FRY: variants seen among roughly 807,000 people sequenced by gnomAD.
The protein encoded by FRY is FRY microtubule binding protein.
FRY carries 128 observed loss-of-function variants against 348.4 expected under a neutral mutation model. The ratio of observed to expected loss-of-function variants is 0.37; its 90% confidence interval spans 0.32 to 0.43. The LOEUF is 0.43. FRY is among the 20% of genes least tolerant of loss of function. The pLI, the probability that FRY is intolerant of heterozygous loss-of-function variation, is 1.00. For missense variants in FRY, 2,736 were observed against 3,695.2 expected (o/e 0.74, Z 6.73); for synonymous variants, 1,370 against 1,374.7 (o/e 1.00, Z 0.08).
chr13:32,269,983 G>A (rs1025894012), intron 55 of FRY, among the ~76,000 whole-genome samples: 7 of 152,170 alleles, frequency 4.6e-5, no homozygotes, highest in African/African-American at 1.7e-4. Context: ...GTAGAAACTT[G>A]AATGGGTAAA....
At chr13:32,053,911 A>G (rs1182138479) in intron 1 of FRY, among the ~76,000 whole-genome samples, 1 of 152,004 alleles carries the variant, frequency 6.6e-6, no homozygotes, top group Non-Finnish European at 1.5e-5. Context: ...AATCGCTTGA[A>G]CCCAGGATGC....
At chr13:32,168,383 A>G (rs926835613) in intron 17 of FRY, among the ~76,000 whole-genome samples, 2 of 152,214 alleles carry the variant, frequency 1.3e-5, no homozygotes, top group African/African-American at 4.8e-5. Context: ...GCTTTCCTCA[A>G]AGTCCACTGA....
intron 46 of FRY, 120 bp downstream of exon 46, chr13:32,240,001 G>A (rs1403857681): frequency 1.8e-5 from 14 of 766,260 alleles, no homozygotes; most frequent in African/African-American, 8.8e-5. Flanking sequence ...GATTACAGGC[G>A]TGGGCCACCA....
Position 32,224,344 on chromosome 13 carries a change from C to G in FRY, c.4875C>G (p.Asp1625Glu). ...CTGGCWAPLV[D>E]YLPETITPRG... is the part of the protein sequence containing the mutation. ...GAGGATGCTGGGCCCCCCTGGTTGA[C>G]TATCTCCCGGAGACCATCACTCCCC... Residue 1625 changes from aspartate to glutamate, a missense_variant, in exon 37 of 61, where the codon GAC becomes GAG. Transcript: ENST00000542859. 6.2e-7 allele frequency: 1 copy of G among 1,614,082 alleles called. No individual in the cohort carries two copies. Among genetic ancestry groups the G allele is most frequent in the Non-Finnish European group, 8.5e-7 (1 of 1,179,974 alleles).
chr13:32,116,597 G>A (rs181760637), intron 3 of FRY, among the ~76,000 whole-genome samples: 3 of 152,114 alleles, frequency 2.0e-5, no homozygotes, highest in African/African-American at 7.2e-5. Context: ...TATATTTTTA[G>A]GTTTTATACT....
At position 32,155,532 on chromosome 13, in the gene FRY, T is replaced by C. The variant is rs1881058764; in HGVS notation, c.1521T>C (p.Asp507=). 1 of 1,613,548 alleles carries C rather than the reference T, an allele frequency of 6.2e-7. No homozygotes were observed. Among genetic ancestry groups the C allele is most frequent in the African/African-American group, 1.3e-5 (1 of 75,026 alleles). Residue 507 remains aspartate (D), a synonymous_variant, in exon 15 of 61, where the codon GAT becomes GAC. Transcript: ENST00000542859. The part of the protein sequence containing the change: ...IGLRAFLVIA[D]SLQQKDGEPP... ...TACGGGCATTCTTGGTCATAGCTGA[T>C]AGCTTGCAGCAGAAAGATGGGGAAC...
rs1880667077 is a variant in FRY at position 32,149,508 on chromosome 13, G to A, written c.1393-240G>A. 3.3e-5 allele frequency among the ~76,000 whole-genome samples: 5 copies of A among 151,958 alleles called. No homozygotes were observed. In the South Asian group the frequency reaches 1.0e-3, roughly 32 times the overall value. On this transcript the variant is annotated intron_variant, in intron 13 of 60. Coordinates refer to ENST00000542859, the MANE Select transcript of FRY (RefSeq NM_023037.3). ...TCATTAGTCATACTGTGGTTTAGAG[G>A]CCAATTACATATTTTGTATAATGAA...
chr13:32,239,833 T>A lies in FRY; in HGVS notation c.6639T>A (p.His2213Gln). ...TCAATGTGGTCTGTCGATACCTTCA[T>A]GAAGCATATGCTGACATTACCTTGA... is the stretch of plus-strand genomic sequence containing the variant. ...TWVNVVCRYL[H>Q]EAYADITLNM... The change falls in exon 46 of 61, where the codon CAT (histidine) becomes CAA (glutamine). Residue 2213 changes from histidine to glutamine, a missense_variant. Physicochemically the swap from His to Gln is conservative, Grantham distance 24. Coordinates refer to ENST00000542859, the MANE Select transcript of FRY (RefSeq NM_023037.3). The surrounding 1 kb of genome is among the most constrained non-coding windows in gnomAD (Gnocchi z 4.3). The A allele has an allele frequency of 6.2e-7, 1 of 1,614,156 alleles. No individual in the cohort carries two copies. Among genetic ancestry groups the A allele is most frequent in the South Asian group, 1.1e-5 (1 of 91,082 alleles).
At position 32,276,988 on chromosome 13, in the gene FRY, C is replaced by T. The variant is rs183648900; in HGVS notation, c.8385+426C>T. On this transcript the variant is annotated intron_variant, in intron 57 of 60. Transcript: ENST00000542859. ...TGCCAGTCCCCAGGGCTTCTCTTGG[C>T]CTCAGCTCTTGCTCTTTACTTTTTT... Among the ~76,000 whole-genome samples, 6 of 152,300 alleles carry T rather than the reference C, an allele frequency of 3.9e-5. No homozygotes were observed. In the East Asian group the frequency reaches 1.2e-3, roughly 29 times the overall value.
In FRY at chr13:32,193,591, C is replaced by CTTTTTTTTTTTTT. The variant is rs71194514; in HGVS notation, c.3592-540_3592-539insTTTTTTTTTTTTT. 5.4e-4 allele frequency among the ~76,000 whole-genome samples: 71 copies of CTTTTTTTTTTTTT among 130,282 alleles called. 3 individuals are homozygous for CTTTTTTTTTTTTT. The highest frequency in any genetic ancestry group is 1.7e-3 in the African/African-American group (59 of 34,740). 85.5% of individuals were successfully genotyped at this position (130,282 alleles called of 152,430 possible). A position where few individuals can be genotyped will look rare whatever the true frequency, so the allele number is the denominator to read the frequency against. Reference sequence around the variant, plus strand: ...AAAAATTGCCAATAAAGTCTTCGTCCTTTTTTTTTTTTGAGACCTAGTCTC... The same window carrying CTTTTTTTTTTTTT: ...AAAAATTGCCAATAAAGTCTTCGTCCTTTTTTTTTTTTTTTTTTTTTTTTTGAGACCTAGTCTC... On this transcript the variant is annotated intron_variant, in intron 28 of 60. Transcript: ENST00000542859.
At chr13:32,110,367 C>A (rs780015407) in intron 3 of FRY, among the ~76,000 whole-genome samples, 27 of 152,152 alleles carry the variant, frequency 1.8e-4, no homozygotes, top group Non-Finnish European at 3.1e-4. Flanking sequence ...TAAAAGTCCA[C>A]AGCATTTTAT....
rs369353176 is a variant in FRY, at chr13:32,231,249, C to G, written c.5476C>G (p.Leu1826Val). 2 of 1,612,594 alleles carry G rather than the reference C, an allele frequency of 1.2e-6. No homozygotes were observed. Among genetic ancestry groups the G allele is most frequent in the African/African-American group, 2.7e-5 (2 of 74,892 alleles). ...KNQNSKSAEQ[L>V]TNFLRHVVSV... Reference sequence around the variant, plus strand: ...TCAAAATTCAAAGAGTGCTGAACAGCTCACTAATTTTCTACGTCACGTTGT... The same window carrying G: ...TCAAAATTCAAAGAGTGCTGAACAGGTCACTAATTTTCTACGTCACGTTGT... Residue 1826 changes from leucine (L) to valine (V), a missense_variant, in exon 41 of 61, where the codon CTC becomes GTC. Around this residue, in one of 9 missense-constraint regions of FRY, gnomAD observed 794 missense variants for 977.0 expected, o/e 0.81. Coordinates refer to ENST00000542859, the MANE Select transcript of FRY (RefSeq NM_023037.3).
chr13:32,239,692 G>T lies in FRY; in HGVS notation c.6517-19G>T. On this transcript the variant is annotated intron_variant, in intron 45 of 60. Transcript: ENST00000542859. The surrounding 1 kb of genome is among the most constrained non-coding windows in gnomAD (Gnocchi z 4.3). ...TCATTGGGCTATTTTATTCCTAATTGATTTTTTTATTTTAAAAGGTTTGTT... is the reference window on the plus strand; with the variant it reads ...TCATTGGGCTATTTTATTCCTAATTTATTTTTTTATTTTAAAAGGTTTGTT... The T allele has an allele frequency of 7.0e-6, 11 of 1,570,802 alleles. No homozygotes were observed. Among genetic ancestry groups the T allele is most frequent in the Non-Finnish European group, 9.6e-6 (11 of 1,141,328 alleles).
chr13:32,184,591 T>C lies in FRY; in HGVS notation c.3055-9T>C. Reference sequence around the variant, plus strand: ...GTGTCTGTAAGTGATACTACCTCTTTCTACACAGAACAAGAAACGCCGAGA... The same window carrying C: ...GTGTCTGTAAGTGATACTACCTCTTCCTACACAGAACAAGAAACGCCGAGA... On this transcript the variant is annotated splice_polypyrimidine_tract_variant and intron_variant, in intron 24 of 60. Transcript: ENST00000542859. The C allele has an allele frequency of 6.3e-7, 1 of 1,590,648 alleles. No individual in the cohort carries two copies. The highest frequency in any genetic ancestry group is 8.6e-7 in the Non-Finnish European group (1 of 1,158,628).
rs1885713265 is a variant in FRY at position 32,228,373 on chromosome 13, C to CT, written c.5207-82dup. The CT allele has an allele frequency of 3.0e-6, 3 of 999,266 alleles. No homozygotes were observed. In the Admixed American group the frequency reaches 5.1e-5, roughly 17 times the overall value. The allele number at this position is 999,266 out of a possible 1,614,324, so 61.9% of individuals were successfully genotyped here. A position where few individuals can be genotyped will look rare whatever the true frequency, so the allele number is the denominator to read the frequency against. The stretch of plus-strand genomic sequence containing the variant: ...AGAATTTAAATAACTCCACACTTCC[C>CT]TGCCCTCCTCTGTGGACCTCATTAA... On this transcript the variant is annotated intron_variant, in intron 39 of 60. Transcript: ENST00000542859.
chr13:32,192,141 G>T lies in FRY; in HGVS notation c.3592-2002G>T, dbSNP rs138440386. Among the ~76,000 whole-genome samples, 11 of 152,222 alleles carry T rather than the reference G, an allele frequency of 7.2e-5. No individual in the cohort carries two copies. In the East Asian group the frequency reaches 1.9e-3, roughly 27 times the overall value. On this transcript the variant is annotated intron_variant, in intron 28 of 60. Transcript: ENST00000542859. ...TTTTGACCTGGTGGTGATCATAGGA[G>T]GGTGTTAAAATGACTCATGATATAC...
Position 32,236,079 on chromosome 13 carries a change from G to T in FRY, c.5717G>T (p.Gly1906Val). The change falls in exon 43 of 61, where the codon GGT (glycine) becomes GTT (valine). Residue 1906 changes from glycine to valine, a missense_variant and splice_region_variant. By Grantham distance (109) the Gly-to-Val change is moderately radical. Around this residue, in one of 9 missense-constraint regions of FRY, gnomAD observed 794 missense variants for 977.0 expected, o/e 0.81. Transcript: ENST00000542859. ...VIGEHGDEIQGYVMEALLTLE... is the reference protein window; with the variant it reads ...VIGEHGDEIQVYVMEALLTLE... The stretch of plus-strand genomic sequence containing the variant: ...ATGCTATCTTTGCATGTTTGGCAGG[G>T]TTATGTAATGGAAGCGCTCCTAACC... 2 of 1,609,954 alleles carry T rather than the reference G, an allele frequency of 1.2e-6. No homozygotes were observed. Among genetic ancestry groups the T allele is most frequent in the Non-Finnish European group, 1.7e-6 (2 of 1,176,282 alleles).
intron 2 of FRY, among the ~76,000 whole-genome samples, chr13:32,085,553 A>C (rs1412904482): frequency 6.6e-6 from 1 of 152,052 alleles, no homozygotes; most frequent in Non-Finnish European, 1.5e-5. Context: ...TCATTTGCAA[A>C]ATGGAAGTAA....
At chr13:32,138,527 C>G (rs913133178) in intron 11 of FRY, among the ~76,000 whole-genome samples, 1 of 151,986 alleles carries the variant, frequency 6.6e-6, no homozygotes, top group Admixed American at 6.6e-5. Context: ...CTAGTCAAAC[C>G]CCACCAGAAA....
Sources: allele counts gnomAD v4.1 joint callset (sites outside exome capture counted in the v4.1 genomes callset), GRCh38; gene constraint gnomAD v4.1.1; regional missense constraint gnomAD v4.1.1; non-coding constraint Gnocchi (gnomAD v3.1); transcripts MANE v1.5; gene names NCBI Gene and HGNC (gene_info 2026-07-23, HGNC 2026-07-21).